ANO1: variants seen among roughly 807,000 people sequenced by gnomAD.
The protein encoded by ANO1 is anoctamin 1, also known as anoctamin-1.
In ANO1, 59 loss-of-function variants were observed where a neutral mutation model predicts 124.0. The observed-to-expected ratio is 0.48, with a 90% CI of 0.39 to 0.59. The LOEUF (loss-of-function observed/expected upper bound fraction) is 0.59. Ranked by LOEUF, ANO1 falls within the 20% of genes least tolerant of loss-of-function variation. The pLI, the probability that ANO1 is intolerant of heterozygous loss-of-function variation, is 0.00. For synonymous variants in ANO1, 529 were observed against 532.0 expected, an observed-to-expected ratio of 0.99 and a Z score of 0.08; for missense variants, 1,059 against 1,328.0, an observed-to-expected ratio of 0.80 and a Z score of 3.15.
upstream of ANO1, among the ~76,000 whole-genome samples, chr11:69,983,832 G>A (rs530911747): frequency 9.8e-4 from 149 of 152,288 alleles, no homozygotes; most frequent in African/African-American, 3.4e-3. Context: ...CCAAGAAAAT[G>A]AAAAGAAGAA....
intron 1 of ANO1, among the ~76,000 whole-genome samples, chr11:70,008,211 C>T (rs140064252): frequency 2.0e-5 from 3 of 152,166 alleles, no homozygotes; most frequent in African/African-American, 4.8e-5. Flanking sequence ...AGTAAATTGC[C>T]GTTTCACTCT....
Position 70,103,265 on chromosome 11 carries a change from A to C in ANO1, c.540+101A>C, listed in dbSNP as rs1261783352. 6 of 759,078 alleles carry C rather than the reference A, an allele frequency of 7.9e-6. No individual in the cohort carries two copies. The East Asian group carries it at 1.9e-4, about 24-fold the overall frequency. The allele number at this position is 759,078 out of a possible 1,614,324, so 47.0% of individuals were successfully genotyped here. On this transcript the variant is annotated intron_variant, in intron 3 of 25. Transcript: ENST00000355303. ...CCGACCTCGAGGCCCTGAGTTTTAT[A>C]AAAAAAAAACCCAGTGGGCTTCACG...
intron 1 of ANO1, among the ~76,000 whole-genome samples, chr11:70,081,827 A>G (rs1024696145): frequency 6.6e-6 from 1 of 152,244 alleles, no homozygotes; most frequent in Non-Finnish European, 1.5e-5. Context: ...CGCCTGGGAC[A>G]GGTCTTCCAG....
rs566583188 is a variant in ANO1, at chr11:70,008,418, T to C, written c.58+22252T>C. On this transcript the variant is annotated intron_variant, in intron 1 of 27. Coordinates refer to the ANO1 transcript ENST00000531349. ...TTAATCCATTTTGAGTTCACTTTTG[T>C]ATATGGCGTAAGGTAAGGATCCAGC... Among the ~76,000 whole-genome samples, 118 of 152,334 alleles carry C rather than the reference T, an allele frequency of 7.7e-4. 1 individual carries two copies. Among genetic ancestry groups the C allele is most frequent in the African/African-American group, 2.7e-3 (111 of 41,586 alleles).
At chr11:70,088,597 CAG>C (rs1457155157) in intron 2 of ANO1, among the ~76,000 whole-genome samples, 1 of 151,736 alleles carries the variant, frequency 6.6e-6, no homozygotes, top group Non-Finnish European at 1.5e-5. Flanking sequence ...TGCTTTTGAA[CAG>C]AGTTAGGGAG....
At chr11:70,178,639 C>G (rs1196876805) in intron 22 of ANO1, among the ~76,000 whole-genome samples, 1 of 152,110 alleles carries the variant, frequency 6.6e-6, no homozygotes, top group Non-Finnish European at 1.5e-5. Flanking sequence ...TCTCGGCTCC[C>G]CATAACCTCC....
At chr11:70,108,286 C>G in intron 5 of ANO1, 67 bp from the exon 6 acceptor site, 1 of 1,514,358 alleles carries the variant, frequency 6.6e-7, no homozygotes, top group Non-Finnish European at 9.1e-7. Flanking sequence ...CCAGCCACAG[C>G]AGACTGTTTC....
At chr11:70,054,130 T>C (rs2135090093) in intron 1 of ANO1, among the ~76,000 whole-genome samples, 1 of 152,320 alleles carries the variant, frequency 6.6e-6, no homozygotes, top group Admixed American at 6.5e-5. Flanking sequence ...CCTGCCCTGC[T>C]CTGGTCCTCC....
At chr11:69,967,562 A>G in the ANO1 span, among the ~76,000 whole-genome samples, 1 of 152,242 alleles carries the variant, frequency 6.6e-6, no homozygotes, top group East Asian at 1.9e-4. Flanking sequence ...CGGGGCTGAT[A>G]ATGCCATCCA....
chr11:70,039,679 C>T (rs1857151932), intron 1 of ANO1, among the ~76,000 whole-genome samples: 1 of 152,124 alleles, frequency 6.6e-6, no homozygotes, highest in African/African-American at 2.4e-5. Flanking sequence ...TCCCCCTCCA[C>T]CTCAAGTGAC....
chr11:69,999,652 C>T (rs1438946292), intron 1 of ANO1, among the ~76,000 whole-genome samples: 22 of 152,304 alleles, frequency 1.4e-4, no homozygotes, highest in African/African-American at 1.9e-4. Context: ...GGAAAAGGGC[C>T]ATGTCTCTTG....
chr11:69,997,617 C>A lies in ANO1; in HGVS notation c.58+11451C>A, dbSNP rs190020816. Reference sequence around the variant, plus strand: ...GTTTGGAGCTGTGTCCCGCCCAAATCTCACGTTGAAATGTAATCCCCAGTG... The same window carrying A: ...GTTTGGAGCTGTGTCCCGCCCAAATATCACGTTGAAATGTAATCCCCAGTG... On this transcript the variant is annotated intron_variant, in intron 1 of 27. Transcript: ENST00000531349. Among the ~76,000 whole-genome samples, 4 of 152,310 alleles carry A rather than the reference C, an allele frequency of 2.6e-5. No individual in the cohort carries two copies. The East Asian group carries it at 7.7e-4, about 29-fold the overall frequency.
intron 1 of ANO1, among the ~76,000 whole-genome samples, chr11:70,007,487 A>G (rs556696734): frequency 8.5e-5 from 13 of 152,270 alleles, no homozygotes; most frequent in African/African-American, 2.2e-4. Flanking sequence ...CATGTTAGCC[A>G]GGATGGTCTC....
chr11:70,149,295 G>A (rs566642036), intron 11 of ANO1, among the ~76,000 whole-genome samples: 7 of 152,272 alleles, frequency 4.6e-5, no homozygotes, highest in Non-Finnish European at 2.9e-5. Flanking sequence ...GGCTGAACAC[G>A]TGAATTCACA....
chr11:70,149,503 T>C (rs1217701702), intron 11 of ANO1: 1 of 530,792 alleles, frequency 1.9e-6, no homozygotes, highest in Non-Finnish European at 3.4e-6. Flanking sequence ...ATACAAAGAT[T>C]AGCTGGGTGT....
intron 1 of ANO1, among the ~76,000 whole-genome samples, chr11:70,068,422 G>T (rs898293917): frequency 9.2e-5 from 14 of 152,304 alleles, no homozygotes; most frequent in Admixed American, 8.5e-4. Flanking sequence ...GCCAGGCTCC[G>T]CTGGGTCCTG....
chr11:70,113,412 C>T (rs1280948621), intron 7 of ANO1, among the ~76,000 whole-genome samples: 1 of 152,158 alleles, frequency 6.6e-6, no homozygotes, highest in Non-Finnish European at 1.5e-5. Flanking sequence ...AGTTCAGGCC[C>T]CTAGACCAGG....
At chr11:70,135,943 C>A (rs2046940268) in intron 11 of ANO1, among the ~76,000 whole-genome samples, 1 of 152,238 alleles carries the variant, frequency 6.6e-6, no homozygotes, top group African/African-American at 2.4e-5. Flanking sequence ...CCCAGTCACG[C>A]CTTCCAGGTC....
At chr11:70,022,028 C>A (rs1360652877) in intron 1 of ANO1, among the ~76,000 whole-genome samples, 1 of 152,156 alleles carries the variant, frequency 6.6e-6, no homozygotes. Context: ...TCCTGCTTCT[C>A]CCTGGGGTTG....
Sources: allele counts gnomAD v4.1 joint callset (sites outside exome capture counted in the v4.1 genomes callset), GRCh38; gene constraint gnomAD v4.1.1; transcripts MANE v1.5; gene names NCBI Gene and HGNC (gene_info 2026-07-23, HGNC 2026-07-21).